Variants in LTBP4 observed in about 807,000 individuals in gnomAD.
LTBP4 encodes the protein latent-transforming growth factor beta-binding protein 4.
Under a neutral mutation model 180.2 loss-of-function variants are expected in LTBP4, and 93 were observed. The observed-to-expected ratio is 0.52, with a 90% confidence interval of 0.44 to 0.61. The LOEUF (loss-of-function observed/expected upper bound fraction) is 0.61. LTBP4 is among the 20% of genes least tolerant of loss of function. The probability of loss-of-function intolerance (pLI) is 0.00; values close to 1 mark genes in which losing one functional copy is unlikely to be tolerated. For missense variants in LTBP4, 2,116 were observed against 2,256.5 expected (o/e 0.94, Z 1.26); for synonymous variants, 947 against 934.5 (o/e 1.01, Z -0.24).
Position 40,629,265 on chromosome 19 carries a change from G to A in LTBP4, c.4520-131G>A. On this transcript the variant is annotated intron_variant, in intron 29 of 29. Coordinates refer to ENST00000396819, the MANE Select transcript of LTBP4 (RefSeq NM_001042545.2). The surrounding 1 kb of genome is among the most constrained non-coding windows in gnomAD (Gnocchi z 4.5). Reference sequence around the variant, plus strand: ...CCTGGCCGGGCTCACACAGTTAGCAGATGGCAGAGGCCAGATTGGACTCCA... The same window carrying A: ...CCTGGCCGGGCTCACACAGTTAGCAAATGGCAGAGGCCAGATTGGACTCCA... The A allele has an allele frequency of 8.3e-7, 1 of 1,208,112 alleles. No homozygotes were observed. Among genetic ancestry groups the A allele is most frequent in the Non-Finnish European group, 1.2e-6 (1 of 829,574 alleles). 74.8% of individuals were successfully genotyped at this position (1,208,112 alleles called of 1,614,324 possible).
At chr19:40,600,020 G>T, upstream of LTBP4, 1 of 1,024,742 alleles carries the variant, frequency 9.8e-7, no homozygotes, top group South Asian at 4.2e-5. The surrounding 1 kb of genome is among the most constrained non-coding windows in gnomAD (Gnocchi z 4.4). Context: ...TTGGTGGGGA[G>T]GTCAGTTTAA....
rs1568414498 is a variant in LTBP4, at chr19:40,625,293, TATATATATATATATATATATA to T, written c.3833-563_3833-543del. ...ATATATATATATATATATATATATA[TATATATATATATATATATATA>T]TATTTTTTTTTTTAAAGATGGGTTT... On this transcript the variant is annotated intron_variant, in intron 26 of 29. Coordinates refer to ENST00000396819, the MANE Select transcript of LTBP4 (RefSeq NM_001042545.2). 3.4e-3 allele frequency among the ~76,000 whole-genome samples: 43 copies of T among 12,818 alleles called. 9 individuals are homozygous for T. The highest frequency in any genetic ancestry group is 0.026 in the South Asian group (11 of 418). The allele number at this position is 12,818 out of a possible 152,430, so 8.4% of individuals were successfully genotyped here.
intron 27 of LTBP4, among the ~76,000 whole-genome samples, 158 bp from the exon 28 acceptor site, chr19:40,626,817 G>A (rs1197123366): frequency 1.3e-5 from 2 of 152,134 alleles, no homozygotes; most frequent in East Asian, 1.9e-4. Flanking sequence ...CCGAATCCCA[G>A]TCTCAGCCTT....
At chr19:40,623,860 G>C in intron 25 of LTBP4, 76 bp from the exon 26 acceptor site, 1 of 1,600,000 alleles carries the variant, frequency 6.3e-7, no homozygotes, top group Non-Finnish European at 8.6e-7. Context: ...CCATCACACT[G>C]CCAATGTGCT....
At chr19:40,600,206 G>A (rs1599857560), upstream of LTBP4, 3 of 1,204,540 alleles carry the variant, frequency 2.5e-6, no homozygotes, top group Non-Finnish European at 3.2e-6. This position sits in a 1 kb window ranked among gnomAD's most constrained non-coding sequence, Gnocchi z 4.4. Context: ...CCTCCGCCTG[G>A]GGCGAGGGGG....
chr19:40,600,286 C>A, upstream of LTBP4: 3 of 456,740 alleles, frequency 6.6e-6, no homozygotes, highest in Non-Finnish European at 1.1e-5. The surrounding 1 kb of genome is among the most constrained non-coding windows in gnomAD (Gnocchi z 4.4). Context: ...CGTTGTAGCT[C>A]AGCACCCACC....
In LTBP4 at chr19:40,613,262, T is replaced by G. The variant is rs944369962; in HGVS notation, c.2431+66T>G. 105 of 1,542,294 alleles carry G rather than the reference T, an allele frequency of 6.8e-5. No individual in the cohort carries two copies. In the Admixed American group the frequency reaches 2.1e-3, roughly 30 times the overall value. On this transcript the variant is annotated intron_variant, in intron 16 of 29. Transcript: ENST00000396819. The surrounding 1 kb of genome is among the most constrained non-coding windows in gnomAD (Gnocchi z 5.0). ...GCCTGGGTTCCAGGGCAAAGCCGGC[T>G]GGAAAGGTGGAGGCGGGACCAAGGC...
In LTBP4 at chr19:40,607,478, G is replaced by T. The variant is rs1386048590; in HGVS notation, c.1105G>T (p.Val369Leu). Residue 369 changes from valine to leucine, a missense_variant, in exon 7 of 30, where the codon GTA (valine) becomes TTA (leucine). Physicochemically the swap from Val to Leu is conservative, Grantham distance 32 (BLOSUM62 1). Transcript: ENST00000396819. ...ITKQICCCSR[V>L]GKAWGRGCQL... The stretch of plus-strand genomic sequence containing the variant: ...TAAACAGATCTGCTGCTGCAGCCGC[G>T]TAGGCAAGGCCTGGGGCCGGGGCTG... The T allele has an allele frequency of 1.2e-6, 2 of 1,613,078 alleles. No homozygotes were observed. The highest frequency in any genetic ancestry group is 1.7e-6 in the Non-Finnish European group (2 of 1,179,698).
At chr19:40,626,144 C>T in intron 27 of LTBP4, 135 bp downstream of exon 27, 1 of 1,005,136 alleles carries the variant, frequency 9.9e-7, no homozygotes, top group Non-Finnish European at 1.4e-6. Context: ...ATGTCGCAGC[C>T]CATCCCAAAA....
intron 1 of LTBP4, 92 bp from the exon 2 acceptor site, chr19:40,604,943 C>G: frequency 8.3e-7 from 1 of 1,210,080 alleles, no homozygotes; most frequent in Non-Finnish European, 1.2e-6. Flanking sequence ...GGCGGAGCGA[C>G]TTAGAAATGA....
At chr19:40,608,098 C>G in intron 7 of LTBP4, 122 bp from the exon 8 acceptor site, 1 of 1,056,986 alleles carries the variant, frequency 9.5e-7, no homozygotes, top group Non-Finnish European at 1.4e-6. Flanking sequence ...ATCCCAGCCT[C>G]CAGCTCAAAC....
In LTBP4 at chr19:40,622,932, G is replaced by C. The variant is rs1387475738; in HGVS notation, c.3485-18G>C. ...CTGGGGCTCTGGTGTCCTGGCTCAG[G>C]CTTGTCTCTGTGTGTAGCTGAGTAC... On this transcript the variant is annotated intron_variant, in intron 23 of 29. Coordinates refer to ENST00000396819, the MANE Select transcript of LTBP4 (RefSeq NM_001042545.2). This position sits in a 1 kb window ranked among gnomAD's most constrained non-coding sequence, Gnocchi z 5.1. The C allele has an allele frequency of 6.2e-7, 1 of 1,612,058 alleles. No homozygotes were observed. Among genetic ancestry groups the C allele is most frequent in the East Asian group, 2.2e-5 (1 of 44,834 alleles).
At position 40,605,650 on chromosome 19, in the gene LTBP4, G is replaced by T; in HGVS notation, c.688G>T (p.Glu230Ter). 1 of 1,566,284 alleles carries T rather than the reference G, an allele frequency of 6.4e-7. No individual in the cohort carries two copies. The change falls in exon 3 of 30, where the codon GAA becomes TAA. Residue 230 changes from glutamate to a stop codon, truncating the protein, a stop_gained and splice_region_variant. Coordinates refer to ENST00000396819, the MANE Select transcript of LTBP4 (RefSeq NM_001042545.2). LOFTEE classifies it high-confidence loss of function. This position sits in a 1 kb window ranked among gnomAD's most constrained non-coding sequence, Gnocchi z 5.5. Reference protein sequence around the residue: ...GYCFRELRGGECASPLPGLRT... With the variant: ...GYCFRELRGG ...CTGCTTTCGGGAGCTGCGCGGAGGC[G>T]AAGTGAGAGGAGGCCCGTGGGGAGG...
intron 22 of LTBP4, among the ~76,000 whole-genome samples, chr19:40,621,894 T>A (rs930035460): frequency 6.6e-6 from 1 of 152,100 alleles, no homozygotes; most frequent in African/African-American, 2.4e-5. Context: ...ATTACAGGCA[T>A]GCGCCACCAC....
chr19:40,627,658 G>T, intron 28 of LTBP4, 47 bp from the exon 29 acceptor site: 2 of 1,552,990 alleles, frequency 1.3e-6, no homozygotes, highest in South Asian at 1.2e-5. Context: ...GTGGGTAAGG[G>T]GTGAAGGCAG....
intron 1 of LTBP4, among the ~76,000 whole-genome samples, chr19:40,604,421 G>A (rs2081444337): frequency 6.6e-6 from 1 of 152,114 alleles, no homozygotes; most frequent in African/African-American, 2.4e-5. Context: ...ATCAGCATTG[G>A]GTCGGAGGGG....
chr19:40,597,177 GCTAGC>G, upstream of LTBP4: 1 of 1,334,766 alleles, frequency 7.5e-7, no homozygotes, highest in Non-Finnish European at 9.5e-7. Context: ...CGGGGCCGGG[GCTAGC>G]CTGACCCGCT....
intron 4 of LTBP4, 112 bp from the exon 5 acceptor site, chr19:40,606,121 A>C: frequency 2.9e-6 from 3 of 1,031,660 alleles, no homozygotes; most frequent in Non-Finnish European, 4.4e-6. Context: ...CTGTCCCTGC[A>C]CTTAAACTAC....
chr19:40,600,781 C>T (rs1370669288), upstream of LTBP4, among the ~76,000 whole-genome samples: 3 of 152,124 alleles, frequency 2.0e-5, no homozygotes, highest in African/African-American at 7.2e-5. The surrounding 1 kb of genome is among the most constrained non-coding windows in gnomAD (Gnocchi z 4.4). Flanking sequence ...TGACTTCTCC[C>T]GCCAGGTGTG....
Sources: allele counts gnomAD v4.1 joint callset (sites outside exome capture counted in the v4.1 genomes callset), GRCh38; gene constraint gnomAD v4.1.1; non-coding constraint Gnocchi (gnomAD v3.1); transcripts MANE v1.5; gene names NCBI Gene and HGNC (gene_info 2026-07-23, HGNC 2026-07-21).